The following DAB1 variants were observed in gnomAD, a reference collection of about 807,000 sequenced individuals.
DAB1 encodes the protein disabled homolog 1.
In DAB1, 15 loss-of-function variants were observed where a neutral mutation model predicts 64.6. The ratio of observed to expected loss-of-function variants is 0.23; its 90% confidence interval spans 0.16 to 0.36. The LOEUF (loss-of-function observed/expected upper bound fraction) is 0.36. Among genes scored for constraint, DAB1 ranks in the 10% least tolerant of loss-of-function variants. The pLI is 1.00. For synonymous variants in DAB1, 235 were observed against 251.9 expected (o/e 0.93, Z 0.64); for missense variants, 596 against 706.7 (o/e 0.84, Z 1.78).
intron 2 of DAB1, among the ~76,000 whole-genome samples, chr1:57,180,881 C>CT (rs1443198475): frequency 1.3e-5 from 2 of 152,230 alleles, no homozygotes; most frequent in Non-Finnish European, 2.9e-5. Flanking sequence ...AGTAACCTTT[C>CT]TTTTGCTCTT....
At chr1:57,858,619 C>T (rs1453207550) in intron 1 of DAB1, among the ~76,000 whole-genome samples, 1 of 151,704 alleles carries the variant, frequency 6.6e-6, no homozygotes, top group Non-Finnish European at 1.5e-5. Flanking sequence ...TAGGGGGTGG[C>T]TGAGGGAGCC....
At chr1:57,671,186 G>A (rs751580989) in intron 6 of DAB1, among the ~76,000 whole-genome samples, 1 of 152,066 alleles carries the variant, frequency 6.6e-6, no homozygotes, top group East Asian at 1.9e-4. Flanking sequence ...ATAAAATTTG[G>A]TCAACATTTT....
chr1:57,702,396 C>T (rs1646917525), intron 6 of DAB1, among the ~76,000 whole-genome samples: 1 of 152,114 alleles, frequency 6.6e-6, no homozygotes, highest in Non-Finnish European at 1.5e-5. Flanking sequence ...AAAGAAGTAT[C>T]ATTTTATATT....
At chr1:57,604,772 A>G (rs1645616596) in intron 7 of DAB1, among the ~76,000 whole-genome samples, 1 of 152,210 alleles carries the variant, frequency 6.6e-6, no homozygotes, top group Non-Finnish European at 1.5e-5. Context: ...TCAGCAAAGA[A>G]GTCCCTCTTC....
chr1:57,415,126 A>G (rs1434054036), intron 1 of DAB1, among the ~76,000 whole-genome samples: 1 of 152,154 alleles, frequency 6.6e-6, no homozygotes, highest in Non-Finnish European at 1.5e-5. Context: ...TTAAAAAGCT[A>G]TAATAAAGTT....
intron 7 of DAB1, among the ~76,000 whole-genome samples, chr1:57,579,358 G>A (rs1461889871): frequency 1.3e-5 from 2 of 152,096 alleles, no homozygotes. Flanking sequence ...CCTATCACTT[G>A]CTGGCCTTCA....
At chr1:57,121,461 T>C (rs1656655803) in intron 4 of DAB1, among the ~76,000 whole-genome samples, 1 of 151,896 alleles carries the variant, frequency 6.6e-6, no homozygotes, top group Non-Finnish European at 1.5e-5. Context: ...TTGCAGTGCA[T>C]GGGGCAGCCT....
At chr1:58,269,011 T>A (rs1661244102) in intron 4 of DAB1, among the ~76,000 whole-genome samples, 1 of 22,870 alleles carries the variant, frequency 4.4e-5, no homozygotes, top group African/African-American at 1.3e-4. Flanking sequence ...TTTATTTTTT[T>A]ATTTATTTTT....
chr1:57,080,743 C>CAT (rs1381029176), intron 4 of DAB1, among the ~76,000 whole-genome samples: 3 of 137,050 alleles, frequency 2.2e-5, no homozygotes, highest in Admixed American at 7.2e-5. Flanking sequence ...ACAACACACA[C>CAT]ACACACACAC....
At chr1:57,779,304 A>T (rs998472463) in intron 6 of DAB1, among the ~76,000 whole-genome samples, 6 of 152,116 alleles carry the variant, frequency 3.9e-5, no homozygotes, top group African/African-American at 1.2e-4. Flanking sequence ...GAGAATGAGC[A>T]CATTTATTAT....
At chr1:57,484,238 T>C (rs1351415626) in intron 7 of DAB1, among the ~76,000 whole-genome samples, 1 of 152,180 alleles carries the variant, frequency 6.6e-6, no homozygotes, top group East Asian at 1.9e-4. Flanking sequence ...TCCTGGGCCT[T>C]GGGGGCCACA....
intron 5 of DAB1, among the ~76,000 whole-genome samples, chr1:58,019,841 C>T (rs1447451695): frequency 6.6e-6 from 1 of 152,146 alleles, no homozygotes; most frequent in East Asian, 1.9e-4. Context: ...AGTGGTTGGA[C>T]TGGGTAACCT....
chr1:57,722,333 A>G (rs541771898), intron 6 of DAB1, among the ~76,000 whole-genome samples: 10 of 152,326 alleles, frequency 6.6e-5, no homozygotes, highest in Non-Finnish European at 8.8e-5. Context: ...GGCAGTCATA[A>G]GAATAAAAAA....
intron 5 of DAB1, among the ~76,000 whole-genome samples, chr1:58,087,150 T>C (rs1418886137): frequency 1.3e-5 from 2 of 152,210 alleles, no homozygotes; most frequent in African/African-American, 2.4e-5. Flanking sequence ...CTGTATAGCA[T>C]GTCTGGAGTG....
intron 1 of DAB1, among the ~76,000 whole-genome samples, chr1:57,397,333 A>G (rs141043301): frequency 7.2e-5 from 11 of 152,224 alleles, no homozygotes; most frequent in African/African-American, 2.2e-4. Flanking sequence ...CACTTCCCCT[A>G]TACACTCATC....
At chr1:57,621,987 A>G (rs1645865185) in intron 7 of DAB1, among the ~76,000 whole-genome samples, 1 of 152,246 alleles carries the variant, frequency 6.6e-6, no homozygotes. Context: ...TGCCCTGAGC[A>G]GTCCTGCAGT....
At chr1:57,791,245 GC>G (rs1175261230) in intron 6 of DAB1, among the ~76,000 whole-genome samples, 5 of 152,230 alleles carry the variant, frequency 3.3e-5, no homozygotes, top group South Asian at 4.1e-4. Flanking sequence ...TATGCCCTAG[GC>G]CCCCCTGTGT....
At chr1:57,176,018 T>C (rs948067429) in intron 2 of DAB1, among the ~76,000 whole-genome samples, 1 of 152,268 alleles carries the variant, frequency 6.6e-6, no homozygotes, top group East Asian at 1.9e-4. Context: ...TTTAAGTTAT[T>C]GACCCTTTCT....
Position 57,590,585 on chromosome 1 carries a change from C to G in DAB1, n.625+59007G>C, listed in dbSNP as rs112670673. On this transcript the variant is annotated intron_variant and non_coding_transcript_variant, in intron 7 of 20. Coordinates refer to the DAB1 transcript ENST00000485760. ...TAACCTCGTGATCTGCACATCTTGG[C>G]CTCCCAAAGTGCTAGGATTACAGGT... Among the ~76,000 whole-genome samples the G allele has an allele frequency of 1.2e-4, 19 of 152,048 alleles. 1 individual carries two copies. The highest frequency in any genetic ancestry group is 4.3e-4 in the African/African-American group (18 of 41,478).
Sources: gnomAD v4.1 joint callset for allele counts (sites outside exome capture counted in the v4.1 genomes callset) on GRCh38, gnomAD v4.1.1 for gene constraint, MANE v1.5 for transcripts, NCBI Gene and HGNC (gene_info 2026-07-23, HGNC 2026-07-21) for gene names.